CNTN4: variants seen among roughly 807,000 people sequenced by gnomAD.
CNTN4 encodes the protein contactin 4, also known as contactin-4.
A neutral mutation model predicts 122.5 loss-of-function variants in CNTN4; 77 were observed. The ratio of observed to expected loss-of-function variants is 0.63; its 90% CI spans 0.52 to 0.76. The LOEUF (loss-of-function observed/expected upper bound fraction) is 0.76, where lower values mean the gene tolerates loss of function less well. Ranked by LOEUF, CNTN4 falls within the 30% of genes least tolerant of loss-of-function variation. CNTN4 has a pLI of 0.00. For synonymous variants in CNTN4, 512 were observed against 447.0 expected, an observed-to-expected ratio of 1.15 and a Z score of -1.83; for missense variants, 1,256 against 1,259.1, an observed-to-expected ratio of 1.00 and a Z score of 0.04.
rs537126419 is a variant in CNTN4, at chr3:2,771,436, C to G, written c.358+25739C>G. 3.9e-5 allele frequency among the ~76,000 whole-genome samples: 6 copies of G among 152,314 alleles called. No homozygotes were observed. In the South Asian group the frequency reaches 1.2e-3, roughly 32 times the overall value. On this transcript the variant is annotated intron_variant, in intron 6 of 24. Transcript: ENST00000418658. The stretch of plus-strand genomic sequence containing the variant: ...CACATGGTGGGCAGAATTACCCACA[C>G]TATTTACATGGCTACCTCTTCTCTC...
intron 13 of CNTN4, among the ~76,000 whole-genome samples, chr3:2,954,174 T>C (rs2124897206): frequency 6.6e-6 from 1 of 152,344 alleles, no homozygotes; most frequent in African/African-American, 2.4e-5. Flanking sequence ...AAACCTTATC[T>C]TGATTGCCTA....
chr3:2,439,295 G>A (rs1012432906), intron 3 of CNTN4, among the ~76,000 whole-genome samples: 1 of 152,182 alleles, frequency 6.6e-6, no homozygotes, highest in African/African-American at 2.4e-5. Flanking sequence ...AAGCTGGGAT[G>A]GGGCCAGGAT....
intron 2 of CNTN4, among the ~76,000 whole-genome samples, chr3:2,164,748 T>A (rs1029338547): frequency 7.2e-5 from 11 of 151,928 alleles, no homozygotes; most frequent in African/African-American, 2.7e-4. Flanking sequence ...GTAAAAAGGG[T>A]TGCAATCATA....
chr3:2,812,406 T>G (rs1478084032), intron 6 of CNTN4, among the ~76,000 whole-genome samples: 1 of 150,030 alleles, frequency 6.7e-6, no homozygotes, highest in Non-Finnish European at 1.5e-5. Context: ...CAGGGTATAG[T>G]GCGTATATCT....
rs144159347 is a variant in CNTN4, at chr3:2,537,196, A to G, written c.-88-34220A>G. ...GCATGTTTTCATACACTATATTTGT[A>G]CTGGTATGAAGTCACACAGACAGTT... On this transcript the variant is annotated intron_variant, in intron 3 of 24. Coordinates refer to ENST00000418658, the MANE Select transcript of CNTN4 (RefSeq NM_175607.3). 2.6e-5 allele frequency among the ~76,000 whole-genome samples: 4 copies of G among 152,242 alleles called. No individual in the cohort carries two copies. In the East Asian group the frequency reaches 7.8e-4, roughly 30 times the overall value.
At chr3:2,690,851 A>G (rs534387221) in intron 4 of CNTN4, among the ~76,000 whole-genome samples, 1 of 152,350 alleles carries the variant, frequency 6.6e-6, no homozygotes, top group East Asian at 1.9e-4. Context: ...TCCTTTGCAT[A>G]TTGCCTAAGG....
At chr3:2,304,071 C>G (rs559454276) in intron 2 of CNTN4, among the ~76,000 whole-genome samples, 32 of 152,150 alleles carry the variant, frequency 2.1e-4, no homozygotes, top group African/African-American at 7.5e-4. Flanking sequence ...AAATTCAGTC[C>G]ATCTATCTTT....
chr3:2,883,325 C>A, intron 9 of CNTN4, 78 bp downstream of exon 9: 2 of 1,044,490 alleles, frequency 1.9e-6, no homozygotes, highest in East Asian at 2.6e-5. Context: ...CTGTTCACAG[C>A]GATGGTTTCT....
intron 4 of CNTN4, among the ~76,000 whole-genome samples, chr3:2,720,484 A>G (rs1306617808): frequency 6.6e-6 from 1 of 152,192 alleles, no homozygotes; most frequent in African/African-American, 2.4e-5. Context: ...CAACTGAGCC[A>G]TCAGTTTTGG....
At chr3:2,243,322 C>T (rs184287782) in intron 2 of CNTN4, among the ~76,000 whole-genome samples, 2 of 152,200 alleles carry the variant, frequency 1.3e-5, no homozygotes, top group African/African-American at 4.8e-5. Context: ...ATATTTTTCT[C>T]TCCCAAATAA....
chr3:2,430,616 CAA>C (rs10662868), intron 3 of CNTN4, among the ~76,000 whole-genome samples: 87 of 103,350 alleles, frequency 8.4e-4, no homozygotes, highest in Non-Finnish European at 1.4e-3. Flanking sequence ...AGCAAATTAC[CAA>C]AAAAAAAAAA....
intron 3 of CNTN4, among the ~76,000 whole-genome samples, chr3:2,410,628 G>A (rs62245710): frequency 0.16 from 24,980 of 152,048 alleles, 2,565 homozygotes; most frequent in Middle Eastern, 0.26. Context: ...ATAAGACTGC[G>A]GTAGAAAGCC....
intron 4 of CNTN4, among the ~76,000 whole-genome samples, chr3:2,710,147 G>A (rs1308998321): frequency 6.6e-6 from 1 of 152,092 alleles, no homozygotes; most frequent in South Asian, 2.1e-4. Context: ...AGCATTTCGG[G>A]GCATCACTTT....
chr3:2,904,751 T>C (rs1275047859), intron 12 of CNTN4, among the ~76,000 whole-genome samples: 2 of 152,206 alleles, frequency 1.3e-5, no homozygotes, highest in Non-Finnish European at 2.9e-5. Context: ...CCAAAACAAG[T>C]GTGTTCTCTA....
chr3:2,939,705 A>C (rs1173512579), intron 13 of CNTN4, among the ~76,000 whole-genome samples: 5 of 152,210 alleles, frequency 3.3e-5, no homozygotes, highest in African/African-American at 1.2e-4. Flanking sequence ...GACCATAAAG[A>C]AAGAATGGTT....
intron 4 of CNTN4, among the ~76,000 whole-genome samples, chr3:2,702,445 A>G (rs1308984345): frequency 3.3e-5 from 5 of 152,248 alleles, no homozygotes; most frequent in African/African-American, 1.2e-4. Flanking sequence ...GTCTATGACA[A>G]ATATATTCTG....
At chr3:2,508,190 T>C (rs557837726) in intron 3 of CNTN4, among the ~76,000 whole-genome samples, 151 of 152,340 alleles carry the variant, frequency 9.9e-4, no homozygotes, top group Non-Finnish European at 2.0e-3. Context: ...CTGGCTCCAT[T>C]GCTTTTGGTT....
chr3:2,769,783 C>T (rs1449889686), intron 6 of CNTN4, among the ~76,000 whole-genome samples: 5 of 152,132 alleles, frequency 3.3e-5, no homozygotes, highest in African/African-American at 1.2e-4. Context: ...TGCTTCTTGC[C>T]TGCAGCACAG....
chr3:2,733,688 C>G (rs1324106861), intron 4 of CNTN4, among the ~76,000 whole-genome samples: 1 of 151,874 alleles, frequency 6.6e-6, no homozygotes. Context: ...CACACGCCAC[C>G]ATGCCCGGCT....
Sources: gnomAD v4.1 joint callset for allele counts (sites outside exome capture counted in the v4.1 genomes callset) on GRCh38, gnomAD v4.1.1 for gene constraint, MANE v1.5 for transcripts, NCBI Gene and HGNC (gene_info 2026-07-23, HGNC 2026-07-21) for gene names.